Variants in RFPL1 observed in about 807,000 individuals in gnomAD.
RFPL1 encodes ret finger protein like 1.
A neutral mutation model predicts 9.6 loss-of-function variants in RFPL1; 6 were observed. The observed-to-expected ratio is 0.62, with a 90% confidence interval of 0.34 to 1.23. The LOEUF is 1.23. Among genes scored for constraint, RFPL1 ranks in the 50% most tolerant of loss-of-function variants. RFPL1 has a pLI of 0.03. For missense variants in RFPL1, 352 were observed against 398.4 expected (o/e 0.88, Z 0.99); for synonymous variants, 145 against 149.4 (o/e 0.97, Z 0.22).
At chr22:29,442,148 C>A (rs761117600) in exon 2 of RFPL1, 1 of 1,497,194 alleles carries the variant, frequency 6.7e-7, no homozygotes, top group Non-Finnish European at 8.9e-7. Flanking sequence ...AAACAAAAAA[C>A]AGGTTAAGAA....
exon 2 of RFPL1, chr22:29,441,688 C>A: frequency 6.2e-7 from 1 of 1,613,890 alleles, no homozygotes; most frequent in Non-Finnish European, 8.5e-7. Context: ...GGGCTCCCCT[C>A]GCTTTACCTG....
the RFPL1 span, chr22:29,419,129 C>G: frequency 2.5e-6 from 4 of 1,578,098 alleles, no homozygotes; most frequent in Non-Finnish European, 3.5e-6. Context: ...CAGCTTCCAG[C>G]TGCCACCAGG....
At chr22:29,411,501 C>T in the RFPL1 span, among the ~76,000 whole-genome samples, 38 of 85,950 alleles carry the variant, frequency 4.4e-4, no homozygotes, top group Non-Finnish European at 6.9e-4. Context: ...TAGTAGGATT[C>T]ATGCATTTTA....
At chr22:29,426,758 A>C in the RFPL1 span, among the ~76,000 whole-genome samples, 3 of 152,044 alleles carry the variant, frequency 2.0e-5, no homozygotes, top group Non-Finnish European at 4.4e-5. Flanking sequence ...AAAAAAAAAA[A>C]GTTATTTGAT....
At chr22:29,413,264 C>A in the RFPL1 span, among the ~76,000 whole-genome samples, 1 of 151,980 alleles carries the variant, frequency 6.6e-6, no homozygotes, top group African/African-American at 2.4e-5. Context: ...GGCCCAGCAG[C>A]CACATGTTTA....
At chr22:29,421,967 G>A in the RFPL1 span, among the ~76,000 whole-genome samples, 1 of 152,162 alleles carries the variant, frequency 6.6e-6, no homozygotes, top group Non-Finnish European at 1.5e-5. Flanking sequence ...GCAGACTTCG[G>A]GTCCTGGATC....
chr22:29,414,574 A>G, the RFPL1 span, among the ~76,000 whole-genome samples: 3 of 152,138 alleles, frequency 2.0e-5, no homozygotes, highest in Non-Finnish European at 4.4e-5. Flanking sequence ...GTTTTCCTCA[A>G]TTACAGAATA....
the RFPL1 span, among the ~76,000 whole-genome samples, chr22:29,424,022 T>A: frequency 1.3e-5 from 2 of 151,820 alleles, no homozygotes; most frequent in Admixed American, 1.3e-4. Flanking sequence ...CTACTAAAAA[T>A]ACAAAAAATT....
chr22:29,415,915 A>G, the RFPL1 span, among the ~76,000 whole-genome samples: 1 of 152,182 alleles, frequency 6.6e-6, no homozygotes. Flanking sequence ...GGCTAAAGCA[A>G]CACCAGAGAG....
the RFPL1 span, among the ~76,000 whole-genome samples, chr22:29,420,680 T>A: frequency 1.3e-4 from 15 of 114,884 alleles, no homozygotes; most frequent in Admixed American, 1.2e-3. Context: ...TCACTCTGTC[T>A]CCCGGGCTGG....
the RFPL1 span, chr22:29,423,084 G>T: frequency 1.5e-5 from 19 of 1,282,626 alleles, no homozygotes; most frequent in Non-Finnish European, 1.8e-5. Context: ...GGGACAGGAA[G>T]AGAAAGCGTA....
At chr22:29,409,473 C>T in the RFPL1 span, among the ~76,000 whole-genome samples, 2 of 152,134 alleles carry the variant, frequency 1.3e-5, no homozygotes, top group Admixed American at 6.5e-5. Context: ...GCTTGTCAAC[C>T]GCCCACCTCC....
At chr22:29,412,926 G>A in the RFPL1 span, among the ~76,000 whole-genome samples, 3 of 152,094 alleles carry the variant, frequency 2.0e-5, no homozygotes, top group African/African-American at 7.2e-5. Flanking sequence ...GCAGGGCCAT[G>A]CTCTTCCACT....
chr22:29,419,226 A>T, the RFPL1 span: 4 of 1,554,586 alleles, frequency 2.6e-6, no homozygotes, highest in Admixed American at 6.7e-5. Flanking sequence ...CCTTCTTGTC[A>T]CTGTTGAGCT....
At chr22:29,441,431 G>A (rs2062838310) in intron 1 of RFPL1, 111 bp from the exon 2 acceptor site, 1 of 1,305,978 alleles carries the variant, frequency 7.7e-7, no homozygotes, top group South Asian at 1.5e-5. Context: ...TTTGGGGGAA[G>A]AAGAGAATTA....
chr22:29,422,465 G>A, the RFPL1 span, among the ~76,000 whole-genome samples: 1 of 152,116 alleles, frequency 6.6e-6, no homozygotes, highest in East Asian at 1.9e-4. Context: ...GTAATCCCAT[G>A]ACTTGGGAGG....
chr22:29,439,151 G>A (rs1461422777), exon 1 of RFPL1: 6 of 1,614,022 alleles, frequency 3.7e-6, no homozygotes, highest in Non-Finnish European at 5.1e-6. Flanking sequence ...ACCCAAGGAT[G>A]CGGAAGTTCC....
chr22:29,389,373 T>G, the RFPL1 span, among the ~76,000 whole-genome samples: 393 of 114,164 alleles, frequency 3.4e-3, no homozygotes, highest in Middle Eastern at 0.03. Context: ...GGGCGACAGA[T>G]CCAGACCCTG....
At chr22:29,424,685 G>A in the RFPL1 span, among the ~76,000 whole-genome samples, 4,247 of 148,962 alleles carry the variant, frequency 0.029, 75 homozygotes, top group Non-Finnish European at 0.043. Context: ...AAAAATTGAG[G>A]CTGGACGCAG....
Sources: gnomAD v4.1 joint callset for allele counts (sites outside exome capture counted in the v4.1 genomes callset) on GRCh38, gnomAD v4.1.1 for gene constraint, MANE v1.5 for transcripts, NCBI Gene and HGNC (gene_info 2026-07-23, HGNC 2026-07-21) for gene names.